The following AMOT variants were observed in gnomAD, a reference collection of about 807,000 sequenced individuals.
The protein encoded by AMOT is angiomotin.
Under a neutral mutation model 67.0 loss-of-function variants are expected in AMOT, and 11 were observed. The observed-to-expected ratio is 0.16, with a 90% CI of 0.10 to 0.27. The LOEUF (loss-of-function observed/expected upper bound fraction) is 0.27, where lower values mean the gene tolerates loss of function less well. AMOT is among the 10% of genes least tolerant of loss of function. The probability of loss-of-function intolerance (pLI) is 1.00; values close to 1 mark genes in which losing one functional copy is unlikely to be tolerated. For synonymous variants in AMOT, 326 were observed against 321.4 expected, an observed-to-expected ratio of 1.01 and a Z score of -0.15; for missense variants, 753 against 852.0, an observed-to-expected ratio of 0.88 and a Z score of 1.45.
intron 5 of AMOT, among the ~76,000 whole-genome samples, chrX:112,814,991 G>A (rs951869595): frequency 4.5e-5 from 5 of 112,081 alleles, no homozygotes; most frequent in African/African-American, 1.6e-4. Flanking sequence ...ATGTGACCAA[G>A]ACAATGAGCC....
At chrX:112,826,573 G>A (rs770990355) in intron 2 of AMOT, among the ~76,000 whole-genome samples, 11 of 111,859 alleles carry the variant, frequency 9.8e-5, no homozygotes, top group Non-Finnish European at 1.7e-4. Context: ...AATCAAAGCT[G>A]GACTGTTAAC....
At chrX:112,835,416 A>G (rs1053906237) in intron 1 of AMOT, among the ~76,000 whole-genome samples, 1 of 109,723 alleles carries the variant, frequency 9.1e-6, no homozygotes, top group African/African-American at 3.3e-5. Context: ...TGGCAAATAC[A>G]CCCATTTGCA....
chrX:112,814,696 C>A lies in AMOT; in HGVS notation c.1392+662G>T, dbSNP rs149855372. On this transcript the variant is annotated intron_variant, in intron 5 of 13. Coordinates refer to ENST00000371959, the MANE Select transcript of AMOT (RefSeq NM_001113490.2). ...TACACTCCTTTTTCTATTTCCTCAG[C>A]CTAGGGCTGTCACCTGTCACCCAGC... Among the ~76,000 whole-genome samples, 568 of 111,727 alleles carry A rather than the reference C, an allele frequency of 5.1e-3. 4 individuals carry two copies. The highest frequency in any genetic ancestry group is 0.018 in the African/African-American group (539 of 30,749).
At chrX:112,822,231 A>T (rs1433054627) in intron 4 of AMOT, 24 bp downstream of exon 4, 1 of 1,081,338 alleles carries the variant, frequency 9.2e-7, no homozygotes, top group Non-Finnish European at 1.2e-6. Flanking sequence ...AGGTCAGGAA[A>T]TGACAGAAAC....
chrX:112,839,275 T>A (rs1157502381), intron 1 of AMOT, among the ~76,000 whole-genome samples: 2 of 112,056 alleles, frequency 1.8e-5, no homozygotes, highest in African/African-American at 3.2e-5. Context: ...CAAAATGGCA[T>A]TTCAAACTAT....
intron 1 of AMOT, among the ~76,000 whole-genome samples, chrX:112,836,690 A>G (rs1935137641): frequency 9.1e-6 from 1 of 110,202 alleles, no homozygotes; most frequent in South Asian, 3.9e-4. Context: ...AATGTAAAAC[A>G]TAATGCATCT....
Position 112,788,759 on chromosome X carries a change from G to A in AMOT, c.2117+1833C>T, listed in dbSNP as rs189160197. Reference sequence around the variant, plus strand: ...TTCACCTGTGGAACTATTGGAAAGTGTTCTTTCTAGGTGGGAACCAGGCTG... The same window carrying A: ...TTCACCTGTGGAACTATTGGAAAGTATTCTTTCTAGGTGGGAACCAGGCTG... On this transcript the variant is annotated intron_variant, in intron 10 of 13. Transcript: ENST00000371959. 6.2e-5 allele frequency among the ~76,000 whole-genome samples: 7 copies of A among 112,314 alleles called. No homozygotes were observed. The East Asian group carries it at 1.1e-3, about 18-fold the overall frequency.
intron 9 of AMOT, among the ~76,000 whole-genome samples, chrX:112,791,377 T>C (rs1263703847): frequency 9.0e-6 from 1 of 110,988 alleles, no homozygotes; most frequent in Non-Finnish European, 1.9e-5. Flanking sequence ...AAAAAAAAAA[T>C]CTAGGATTTA....
Position 112,779,330 on chromosome X carries a change from C to A in AMOT, c.2824G>T (p.Ala942Ser), listed in dbSNP as rs969144698. ...AAATAAAVSP[A>S]AAGQIPAAAS... ...GCAGCTGGAATCTGACCAGCAGCAG[C>A]TGGAGAAACAGCAGCAGCAGTAGCA... Residue 942 changes from alanine to serine, a missense_variant, in exon 13 of 14, where the codon GCT (alanine) becomes TCT (serine). By Grantham distance (99) the Ala-to-Ser change is moderately conservative. Coordinates refer to ENST00000371959, the MANE Select transcript of AMOT (RefSeq NM_001113490.2). 8.7e-6 allele frequency: 7 copies of A among 800,369 alleles called. No homozygotes were observed. In the African/African-American group the frequency reaches 1.0e-4, roughly 12 times the overall value. The allele number at this position is 800,369 out of a possible 1,213,427, so 66.0% of individuals were successfully genotyped here. A position where few individuals can be genotyped will look rare whatever the true frequency, so the allele number is the denominator to read the frequency against.
At chrX:112,786,637 A>G (rs180719522) in intron 10 of AMOT, among the ~76,000 whole-genome samples, 1 of 112,130 alleles carries the variant, frequency 8.9e-6, no homozygotes, top group Non-Finnish European at 1.9e-5. Flanking sequence ...CTCAATTAGT[A>G]TCTTACTGAA....
intron 8 of AMOT, among the ~76,000 whole-genome samples, chrX:112,795,238 G>GTCTC (rs1200497149): frequency 1.1e-5 from 1 of 93,805 alleles, no homozygotes; most frequent in Non-Finnish European, 2.0e-5. Flanking sequence ...CTCTTTCTCT[G>GTCTC]TCTCTCTCTC....
intron 2 of AMOT, among the ~76,000 whole-genome samples, chrX:112,829,752 G>A (rs1299847864): frequency 9.0e-6 from 1 of 111,385 alleles, no homozygotes; most frequent in African/African-American, 3.3e-5. Flanking sequence ...ACTTTGCTTT[G>A]CTCTGAAGCA....
In AMOT at chrX:112,811,767, A is replaced by G. The variant is rs368074401; in HGVS notation, c.1393-374T>C. Among the ~76,000 whole-genome samples, 21 of 111,980 alleles carry G rather than the reference A, an allele frequency of 1.9e-4. 1 individual carries two copies. In the East Asian group the frequency reaches 4.8e-3, roughly 25 times the overall value. ...AGTATGTAGATATTCCAAAGCATTC[A>G]AAGGGCTTTCACATGTTGGTTCCAG... On this transcript the variant is annotated intron_variant, in intron 5 of 13. Coordinates refer to ENST00000371959, the MANE Select transcript of AMOT (RefSeq NM_001113490.2).
intron 2 of AMOT, 44 bp from the exon 3 acceptor site, chrX:112,825,264 G>A (rs926938240): frequency 4.5e-5 from 5 of 111,335 alleles, no homozygotes; most frequent in Non-Finnish European, 9.4e-5. Context: ...TAAAAACGTC[G>A]TTTCTATTTT....
intron 8 of AMOT, among the ~76,000 whole-genome samples, chrX:112,804,023 A>G (rs1345355873): frequency 2.7e-5 from 3 of 111,878 alleles, no homozygotes; most frequent in Non-Finnish European, 3.8e-5. Flanking sequence ...CAGTGCAATA[A>G]CAACTGACAT....
At chrX:112,788,989 T>C (rs754999337) in intron 10 of AMOT, among the ~76,000 whole-genome samples, 5 of 112,106 alleles carry the variant, frequency 4.5e-5, no homozygotes, top group Non-Finnish European at 7.5e-5. Context: ...AGTTTCTTTA[T>C]ACAAGGCCCC....
At position 112,778,399 on chromosome X, in the gene AMOT, G is replaced by C. The variant is rs753427733; in HGVS notation, c.*168C>G. The C allele has an allele frequency of 2.4e-6, 1 of 422,620 alleles. No individual in the cohort carries two copies. The highest frequency in any genetic ancestry group is 5.0e-5 in the South Asian group (1 of 19,978). The allele number at this position is 422,620 out of a possible 1,213,427, so 34.8% of individuals were successfully genotyped here. On this transcript the variant is annotated 3_prime_UTR_variant, in exon 14 of 14. Transcript: ENST00000371959. ...TCCCTAAGCATACCAAAATAGACTG[G>C]TGTTCACATGGTATTACTCAAGTAG...
intron 1 of AMOT, among the ~76,000 whole-genome samples, chrX:112,838,977 G>A (rs1159458416): frequency 8.9e-6 from 1 of 112,442 alleles, no homozygotes; most frequent in African/African-American, 3.2e-5. Context: ...CTGTTAAAAT[G>A]TCCCAGGCCA....
At chrX:112,789,632 T>A (rs775073129) in intron 10 of AMOT, among the ~76,000 whole-genome samples, 2 of 110,861 alleles carry the variant, frequency 1.8e-5, no homozygotes, top group Admixed American at 9.7e-5. Context: ...CACATACATA[T>A]CCCAACCCAA....
Sources: allele counts gnomAD v4.1 joint callset (sites outside exome capture counted in the v4.1 genomes callset), GRCh38; gene constraint gnomAD v4.1.1; transcripts MANE v1.5; gene names NCBI Gene and HGNC (gene_info 2026-07-23, HGNC 2026-07-21).